Variants in COPZ1 observed in about 807,000 individuals in gnomAD.
COPZ1 encodes the protein coat protein complex I subunit zeta 1.
A neutral mutation model predicts 31.7 loss-of-function variants in COPZ1; 4 were observed. The ratio of observed to expected loss-of-function variants is 0.13; its 90% CI spans 0.06 to 0.29. The LOEUF (loss-of-function observed/expected upper bound fraction) is 0.29, where lower values mean the gene tolerates loss of function less well. Ranked by LOEUF, COPZ1 falls within the 10% of genes least tolerant of loss-of-function variation. The pLI is 1.00. For missense variants in COPZ1, 156 were observed against 211.5 expected, an observed-to-expected ratio of 0.74 and a Z score of 1.63; for synonymous variants, 74 against 79.0, an observed-to-expected ratio of 0.94 and a Z score of 0.33.
At chr12:54,342,926 G>A (rs1380257608) in intron 3 of COPZ1, among the ~76,000 whole-genome samples, 4 of 148,184 alleles carry the variant, frequency 2.7e-5, no homozygotes, top group Admixed American at 1.4e-4. Flanking sequence ...GCGAGATCTC[G>A]GCTCCCTGCA....
At chr12:54,348,722 GTGA>G (rs1439767014) in intron 7 of COPZ1, among the ~76,000 whole-genome samples, 1 of 152,062 alleles carries the variant, frequency 6.6e-6, no homozygotes, top group African/African-American at 2.4e-5. Flanking sequence ...GGGCGACAGA[GTGA>G]GACTCTGTCT....
chr12:54,343,282 A>T lies in COPZ1; in HGVS notation c.227A>T (p.Tyr76Phe). Residue 76 changes from tyrosine to phenylalanine, a missense_variant, in exon 4 of 9, where the codon TAT becomes TTT. By Grantham distance (22) the Tyr-to-Phe change is conservative. Transcript: ENST00000262061. ...GTATACAAAAGCAGTATAGATCTCT[A>T]TTTCTATGTGATTGGCAGCTCCTAT... ...TVVYKSSIDL[Y>F]FYVIGSSYEN... 1 of 1,613,748 alleles carries T rather than the reference A, an allele frequency of 6.2e-7. No individual in the cohort carries two copies. The highest frequency in any genetic ancestry group is 8.5e-7 in the Non-Finnish European group (1 of 1,179,830).
chr12:54,335,049 C>T (rs950926227), intron 1 of COPZ1, among the ~76,000 whole-genome samples: 4 of 151,978 alleles, frequency 2.6e-5, no homozygotes, highest in Non-Finnish European at 4.4e-5. Flanking sequence ...TGGCAGTCAC[C>T]TGTAATCCCA....
In COPZ1 at chr12:54,342,306, A is replaced by G. The variant is rs369616779; in HGVS notation, c.169+19A>G. ...ACTGACAGTAGGTCATTTTCCTTTC[A>G]CTACTACCCGTGCTGGGGGGAACCA... is the stretch of plus-strand genomic sequence containing the variant. On this transcript the variant is annotated intron_variant, in intron 3 of 8. Coordinates refer to ENST00000262061, the MANE Select transcript of COPZ1 (RefSeq NM_016057.3). 3.8e-6 allele frequency: 6 copies of G among 1,580,166 alleles called. No individual in the cohort carries two copies. In the South Asian group the frequency reaches 6.6e-5, roughly 17 times the overall value.
chr12:54,337,019 CAAAAAAAA>C (rs1182592654), intron 1 of COPZ1, among the ~76,000 whole-genome samples: 17 of 61,642 alleles, frequency 2.8e-4, no homozygotes, highest in South Asian at 5.2e-4. Context: ...GAGACTGTCG[CAAAAAAAA>C]AAAAAAAAAA....
intron 5 of COPZ1, among the ~76,000 whole-genome samples, chr12:54,346,087 C>A (rs1265742104): frequency 2.6e-5 from 4 of 152,040 alleles, no homozygotes; most frequent in African/African-American, 9.7e-5. Context: ...GGAGCCGAAT[C>A]TTTACCTCTG....
At chr12:54,341,763 T>C (rs1441898107) in intron 2 of COPZ1, among the ~76,000 whole-genome samples, 18 of 152,222 alleles carry the variant, frequency 1.2e-4, no homozygotes, top group Admixed American at 1.2e-3. Flanking sequence ...AGGAGGTTTT[T>C]GTAGCCTTTC....
chr12:54,328,521 C>T (rs1406030068), intron 1 of COPZ1, among the ~76,000 whole-genome samples: 2 of 152,076 alleles, frequency 1.3e-5, no homozygotes, highest in Admixed American at 6.6e-5. Flanking sequence ...AGCCGAGATG[C>T]GCCACTGCAC....
rs1954102855 is a variant in COPZ1 at position 54,348,718 on chromosome 12, C to T, written c.447+667C>T. On this transcript the variant is annotated intron_variant, in intron 7 of 8. Coordinates refer to ENST00000262061, the MANE Select transcript of COPZ1 (RefSeq NM_016057.3). Reference sequence around the variant, plus strand: ...CACCACTGCACTCCAGCCTGGGCGACAGAGTGAGACTCTGTCTCAAAAAAA... The same window carrying T: ...CACCACTGCACTCCAGCCTGGGCGATAGAGTGAGACTCTGTCTCAAAAAAA... 3.3e-5 allele frequency among the ~76,000 whole-genome samples: 5 copies of T among 152,008 alleles called. 1 individual carries two copies. The South Asian group carries it at 1.0e-3, about 32-fold the overall frequency.
At chr12:54,325,493 G>A (rs1953613175) in intron 1 of COPZ1, 1 of 289,874 alleles carries the variant, frequency 3.4e-6, no homozygotes. Context: ...TAGCATTGTG[G>A]ATGATACCCT....
rs557212833 is a variant in COPZ1, at chr12:54,339,514, A to G, written c.19-1033A>G. Among the ~76,000 whole-genome samples, 4 of 151,742 alleles carry G rather than the reference A, an allele frequency of 2.6e-5. No homozygotes were observed. The South Asian group carries it at 6.3e-4, about 24-fold the overall frequency. Reference sequence around the variant, plus strand: ...AGATGCACGCCACCACACCTGGCTAATTTTTTTTATTTTTGTAGAGATGGG... The same window carrying G: ...AGATGCACGCCACCACACCTGGCTAGTTTTTTTTATTTTTGTAGAGATGGG... On this transcript the variant is annotated intron_variant, in intron 1 of 8. Coordinates refer to ENST00000262061, the MANE Select transcript of COPZ1 (RefSeq NM_016057.3).
At chr12:54,346,260 A>C (rs1447352467) in intron 5 of COPZ1, among the ~76,000 whole-genome samples, 2 of 146,306 alleles carry the variant, frequency 1.4e-5, no homozygotes, top group East Asian at 4.0e-4. Flanking sequence ...AACACTCCCA[A>C]TTTTTTTTTC....
At position 54,350,519 on chromosome 12, in the gene COPZ1, G is replaced by A. The variant is rs928834517; in HGVS notation, c.530G>A (p.Arg177Gln). ...GAACAGATCAAGTGGTCACTCCTTCGGTGAAGACCTCACTGTTCCTGGCTC... is the reference window on the plus strand; with the variant it reads ...GAACAGATCAAGTGGTCACTCCTTCAGTGAAGACCTCACTGTTCCTGGCTC... ...AKEQIKWSLL[R>Q] Residue 177 changes from arginine to glutamine, a missense_variant, in exon 9 of 9, where the codon CGG becomes CAG. Transcript: ENST00000262061. The A allele has an allele frequency of 1.2e-6, 2 of 1,613,526 alleles. No individual in the cohort carries two copies. Among genetic ancestry groups the A allele is most frequent in the South Asian group, 1.1e-5 (1 of 91,066 alleles).
intron 8 of COPZ1, 146 bp downstream of exon 8, chr12:54,349,804 C>T (rs1459339806): frequency 3.9e-6 from 3 of 771,010 alleles, no homozygotes; most frequent in Non-Finnish European, 7.0e-6. Context: ...AGAACTGGGA[C>T]TCATACAGCC....
At position 54,325,189 on chromosome 12, in the gene COPZ1, C is replaced by G; in HGVS notation, c.18+8C>G. Reference sequence around the variant, plus strand: ...ATGGAGGCGCTGATTTTGGTAGGAGCTGGAGGGGCAGCAGAGATGCTGTGG... The same window carrying G: ...ATGGAGGCGCTGATTTTGGTAGGAGGTGGAGGGGCAGCAGAGATGCTGTGG... On this transcript the variant is annotated splice_region_variant and intron_variant, in intron 1 of 8. Transcript: ENST00000262061. 1 of 1,559,528 alleles carries G rather than the reference C, an allele frequency of 6.4e-7. No homozygotes were observed. Among genetic ancestry groups the G allele is most frequent in the Non-Finnish European group, 8.7e-7 (1 of 1,152,162 alleles).
At chr12:54,331,750 C>G (rs1266530445) in intron 1 of COPZ1, among the ~76,000 whole-genome samples, 2 of 152,032 alleles carry the variant, frequency 1.3e-5, no homozygotes, top group Non-Finnish European at 2.9e-5. Flanking sequence ...AGGGATAAAT[C>G]ATGATACAAA....
chr12:54,342,180 A>T lies in COPZ1; in HGVS notation c.88-26A>T, dbSNP rs986678341. On this transcript the variant is annotated intron_variant, in intron 2 of 8. Transcript: ENST00000262061. The stretch of plus-strand genomic sequence containing the variant: ...TCTGGCTTCCAGCTCTAGTGACCCA[A>T]CCCTGTCTTCTTTCCCTCTGACCAG... The T allele has an allele frequency of 1.0e-5, 16 of 1,572,966 alleles. No individual in the cohort carries two copies. The Admixed American group carries it at 1.7e-4, about 16-fold the overall frequency.
intron 7 of COPZ1, 90 bp from the exon 8 acceptor site, chr12:54,349,530 G>A (rs1954114155): frequency 9.7e-7 from 1 of 1,027,484 alleles, no homozygotes; most frequent in Admixed American, 1.7e-5. Flanking sequence ...TCAGTTTAAA[G>A]GATCACTTTT....
intron 6 of COPZ1, 54 bp from the exon 7 acceptor site, chr12:54,347,946 G>A: frequency 6.2e-7 from 1 of 1,607,414 alleles, no homozygotes; most frequent in Non-Finnish European, 8.5e-7. Flanking sequence ...TTCCCCGACA[G>A]TGAGTTGGGC....
Sources: allele counts gnomAD v4.1 joint callset (sites outside exome capture counted in the v4.1 genomes callset), GRCh38; gene constraint gnomAD v4.1.1; transcripts MANE v1.5; gene names NCBI Gene and HGNC (gene_info 2026-07-23, HGNC 2026-07-21).